The following NFATC2 variants were observed in gnomAD, a reference collection of about 807,000 sequenced individuals.
NFATC2 encodes nuclear factor of activated T-cells, cytoplasmic 2.
NFATC2 carries 22 observed loss-of-function variants against 87.3 expected under a neutral mutation model. The observed-to-expected ratio is 0.25, with a 90% CI of 0.18 to 0.36. NFATC2 has a LOEUF of 0.36. Ranked by LOEUF, NFATC2 falls within the 10% of genes least tolerant of loss-of-function variation. The pLI, the probability that NFATC2 is intolerant of heterozygous loss-of-function variation, is 1.00. For missense variants in NFATC2, 1,149 were observed against 1,259.1 expected, an observed-to-expected ratio of 0.91 and a Z score of 1.32; for synonymous variants, 565 against 542.2, an observed-to-expected ratio of 1.04 and a Z score of -0.58.
chr20:51,491,998 C>G (rs1387707733), intron 3 of NFATC2, among the ~76,000 whole-genome samples: 1 of 151,924 alleles, frequency 6.6e-6, no homozygotes, highest in Non-Finnish European at 1.5e-5. Flanking sequence ...TACCCCCAGC[C>G]CCGCGCCCCC....
intron 1 of NFATC2, among the ~76,000 whole-genome samples, chr20:51,549,104 G>A (rs975983796): frequency 3.3e-5 from 5 of 152,116 alleles, no homozygotes; most frequent in African/African-American, 1.2e-4. Flanking sequence ...ACGGCAATGT[G>A]TGACAATTTC....
chr20:51,477,580 T>A (rs796572167), intron 3 of NFATC2, among the ~76,000 whole-genome samples: 2,796 of 69,350 alleles, frequency 0.04, 37 homozygotes, highest in Non-Finnish European at 0.059. Context: ...TATATATATA[T>A]AAAATAACAA....
At chr20:51,534,717 T>TAC (rs2076691404) in intron 1 of NFATC2, among the ~76,000 whole-genome samples, 1 of 152,216 alleles carries the variant, frequency 6.6e-6, no homozygotes, top group South Asian at 2.1e-4. Flanking sequence ...TGCATATATA[T>TAC]ACACACACTC....
At chr20:51,555,144 C>A (rs537383998) in intron 1 of NFATC2, among the ~76,000 whole-genome samples, 1 of 152,176 alleles carries the variant, frequency 6.6e-6, no homozygotes, top group Non-Finnish European at 1.5e-5. Context: ...CTCCTGTTTG[C>A]CTGCCTAGCA....
At chr20:51,414,011 T>C (rs1979666233) in intron 9 of NFATC2, among the ~76,000 whole-genome samples, 1 of 152,180 alleles carries the variant, frequency 6.6e-6, no homozygotes, top group Non-Finnish European at 1.5e-5. Flanking sequence ...TTGTGACAAA[T>C]AGTTTTAAAT....
chr20:51,427,948 A>G (rs2146324643), intron 9 of NFATC2, among the ~76,000 whole-genome samples: 1 of 152,342 alleles, frequency 6.6e-6, no homozygotes, highest in Middle Eastern at 3.4e-3. Flanking sequence ...TCACCGTGAG[A>G]GCAAAGATTT....
At chr20:51,538,096 T>G (rs2076749319) in intron 1 of NFATC2, among the ~76,000 whole-genome samples, 1 of 152,146 alleles carries the variant, frequency 6.6e-6, no homozygotes, top group African/African-American at 2.4e-5. Flanking sequence ...AGACAGAAAT[T>G]ATTCCTGAGC....
intron 9 of NFATC2, among the ~76,000 whole-genome samples, chr20:51,418,395 C>T (rs1980341433): frequency 6.6e-6 from 1 of 152,188 alleles, no homozygotes; most frequent in South Asian, 2.1e-4. Flanking sequence ...TACTGGCATC[C>T]GGTGCATTGA....
At chr20:51,479,492 G>A (rs966210079) in intron 3 of NFATC2, among the ~76,000 whole-genome samples, 4 of 152,296 alleles carry the variant, frequency 2.6e-5, no homozygotes, top group South Asian at 2.1e-4. Context: ...AGTGTCGCAC[G>A]TCCGTAGTCT....
intron 1 of NFATC2, among the ~76,000 whole-genome samples, chr20:51,556,050 AG>A (rs1349226433): frequency 2.0e-5 from 3 of 152,232 alleles, no homozygotes; most frequent in Non-Finnish European, 4.4e-5. Flanking sequence ...CCGTGAGAAG[AG>A]GAATCAACGC....
At chr20:51,507,397 T>C (rs1407608346) in intron 3 of NFATC2, among the ~76,000 whole-genome samples, 2 of 152,184 alleles carry the variant, frequency 1.3e-5, no homozygotes, top group Non-Finnish European at 2.9e-5. Context: ...CAGACGTGGT[T>C]AATTCAACCA....
chr20:51,407,919 CTG>C (rs1978581674), intron 9 of NFATC2, among the ~76,000 whole-genome samples: 2 of 152,214 alleles, frequency 1.3e-5, no homozygotes, highest in Non-Finnish European at 1.5e-5. Flanking sequence ...CATGAAAAGA[CTG>C]TAGCAGGAAG....
rs1270543765 is a variant in NFATC2, at chr20:51,398,674, C to T, written c.*13G>A. Reference sequence around the variant, plus strand: ...CTTTGATTTCTCGGATCAAAGATCACAGTCATTCTGTTTCATAATATGTTT... The same window carrying T: ...CTTTGATTTCTCGGATCAAAGATCATAGTCATTCTGTTTCATAATATGTTT... On this transcript the variant is annotated 3_prime_UTR_variant, in exon 10 of 11. Coordinates refer to ENST00000371564, the MANE Select transcript of NFATC2 (RefSeq NM_012340.5). The T allele has an allele frequency of 6.2e-7, 1 of 1,612,374 alleles. No individual in the cohort carries two copies. The highest frequency in any genetic ancestry group is 8.5e-7 in the Non-Finnish European group (1 of 1,178,998).
At chr20:51,545,101 A>T (rs1001498149), upstream of NFATC2, among the ~76,000 whole-genome samples, 1 of 152,188 alleles carries the variant, frequency 6.6e-6, no homozygotes, top group African/African-American at 2.4e-5. Context: ...CTGGGTCCTT[A>T]TGACAGGGAC....
chr20:51,394,857 G>A (rs928300222), intron 10 of NFATC2, among the ~76,000 whole-genome samples: 1 of 151,068 alleles, frequency 6.6e-6, no homozygotes, highest in Non-Finnish European at 1.5e-5. Flanking sequence ...GCCACGTGCA[G>A]TGTTCTGCCT....
chr20:51,396,282 CTTCCTTTATCAGAGCTCAGAGG>C (rs1422012039), intron 10 of NFATC2, among the ~76,000 whole-genome samples: 14 of 152,062 alleles, frequency 9.2e-5, no homozygotes, highest in Admixed American at 9.2e-4. Flanking sequence ...CTTTCTCCTC[CTTCCTTTATCAGAGCTCAGAGG>C]TTCCCAAACT....
intron 4 of NFATC2, 75 bp from the exon 5 acceptor site, chr20:51,474,227 T>A (rs575466280): frequency 1.9e-6 from 3 of 1,552,746 alleles, no homozygotes; most frequent in Non-Finnish European, 2.6e-6. Context: ...AAGCTGCCAG[T>A]CTACAGCCAG....
chr20:51,549,138 A>G (rs2076912382), intron 1 of NFATC2, among the ~76,000 whole-genome samples: 1 of 152,228 alleles, frequency 6.6e-6, no homozygotes, highest in Non-Finnish European at 1.5e-5. Flanking sequence ...ACAGCACTTC[A>G]GCCTAGGCAA....
intron 9 of NFATC2, among the ~76,000 whole-genome samples, chr20:51,406,283 A>C (rs1476486621): frequency 6.6e-6 from 1 of 152,228 alleles, no homozygotes; most frequent in Non-Finnish European, 1.5e-5. Context: ...GCTTCTCTGA[A>C]TGCAGCTCAG....
Sources: allele counts gnomAD v4.1 joint callset (sites outside exome capture counted in the v4.1 genomes callset), GRCh38; gene constraint gnomAD v4.1.1; transcripts MANE v1.5; gene names NCBI Gene and HGNC (gene_info 2026-07-23, HGNC 2026-07-21).